Variants in HERC1 observed in about 807,000 individuals in gnomAD.
HERC1 encodes HECT and RLD domain containing E3 ubiquitin protein ligase family member 1.
Under a neutral mutation model 554.3 loss-of-function variants are expected in HERC1, and 160 were observed. The ratio of observed to expected loss-of-function variants is 0.29; its 90% CI spans 0.25 to 0.33. The LOEUF (loss-of-function observed/expected upper bound fraction) is 0.33, where lower values mean the gene tolerates loss of function less well. Among genes scored for constraint, HERC1 ranks in the 10% least tolerant of loss-of-function variants. HERC1 has a pLI of 1.00. For synonymous variants in HERC1, 2,175 were observed against 2,131.7 expected (o/e 1.02, Z -0.56); for missense variants, 4,919 against 5,918.5 (o/e 0.83, Z 5.54).
Position 63,674,953 on chromosome 15 carries a change from T to G in HERC1, c.7235A>C (p.Lys2412Thr). 1.2e-6 allele frequency: 2 copies of G among 1,614,044 alleles called. No individual in the cohort carries two copies. The highest frequency in any genetic ancestry group is 1.7e-6 in the Non-Finnish European group (2 of 1,179,888). Residue 2412 changes from lysine to threonine, a missense_variant, in exon 38 of 78, where the codon AAA becomes ACA. Lys to Thr is a moderately conservative substitution (Grantham distance 78). Coordinates refer to ENST00000443617, the MANE Select transcript of HERC1 (RefSeq NM_003922.4). ...VHEDMGKQST[K>T]RHEKKHRHES... is the part of the protein sequence containing the mutation. Reference sequence around the variant, plus strand: ...ATGTCGGTGTTTCTTTTCATGTCGTTTGGTGCTCTGTTTGCCCATGTCTTC... The same window carrying G: ...ATGTCGGTGTTTCTTTTCATGTCGTGTGGTGCTCTGTTTGCCCATGTCTTC...
intron 12 of HERC1, among the ~76,000 whole-genome samples, chr15:63,746,030 A>G (rs564103001): frequency 2.5e-4 from 38 of 151,644 alleles, no homozygotes; most frequent in African/African-American, 8.2e-4. Flanking sequence ...TATTTTTTTA[A>G]TTTCACTCTA....
intron 22 of HERC1, among the ~76,000 whole-genome samples, chr15:63,714,809 A>T (rs1024006221): frequency 6.6e-6 from 1 of 152,000 alleles, no homozygotes; most frequent in South Asian, 2.1e-4. Flanking sequence ...GGCCTCCCAA[A>T]GTGCTGGGAT....
At chr15:63,755,098 T>C in intron 6 of HERC1, 131 bp downstream of exon 6, 1 of 651,876 alleles carries the variant, frequency 1.5e-6, no homozygotes, top group African/African-American at 1.8e-5. Flanking sequence ...TATAAAATTA[T>C]CTTCCTCTGA....
intron 47 of HERC1, among the ~76,000 whole-genome samples, chr15:63,659,221 C>T (rs878943381): frequency 4.6e-5 from 7 of 151,248 alleles, no homozygotes; most frequent in Admixed American, 2.0e-4. Flanking sequence ...TTTATTGCTT[C>T]GGTATCATGA....
chr15:63,666,432 A>C lies in HERC1; in HGVS notation c.8247T>G (p.Pro2749=), dbSNP rs943232139. 1.2e-6 allele frequency: 2 copies of C among 1,613,478 alleles called. No individual in the cohort carries two copies. The highest frequency in any genetic ancestry group is 1.3e-5 in the African/African-American group (1 of 74,866). Reference sequence around the variant, plus strand: ...GCAAGGGAACTGCAATTGCTGGAGGAGGAGGAGAAGTTGAAAGTCTACTGC... The same window carrying C: ...GCAAGGGAACTGCAATTGCTGGAGGCGGAGGAGAAGTTGAAAGTCTACTGC... ...DPSSRLSTSP[P]PPAIAVPLLE... The change falls in exon 41 of 78, where the codon CCT becomes CCG. Residue 2749 remains proline (P), a synonymous_variant. Transcript: ENST00000443617.
chr15:63,754,691 C>A, intron 6 of HERC1, 43 bp from the exon 7 acceptor site: 2 of 1,581,432 alleles, frequency 1.3e-6, no homozygotes, highest in South Asian at 2.3e-5. Context: ...AACATTAACT[C>A]TTTTTCTCTA....
chr15:63,774,172 TTTTA>T (rs1280814826), intron 2 of HERC1, among the ~76,000 whole-genome samples: 2 of 152,164 alleles, frequency 1.3e-5, no homozygotes, highest in African/African-American at 2.4e-5. Flanking sequence ...CCTTTCCCTC[TTTTA>T]TTTTTCTTCT....
chr15:63,799,997 G>C (rs951923417), intron 1 of HERC1, among the ~76,000 whole-genome samples: 2 of 152,018 alleles, frequency 1.3e-5, no homozygotes, highest in African/African-American at 4.8e-5. Flanking sequence ...AGCCAGATGT[G>C]GTGGTATATG....
Position 63,758,043 on chromosome 15 carries a change from T to G in HERC1, c.1221+132A>C. On this transcript the variant is annotated intron_variant, in intron 4 of 77. Transcript: ENST00000443617. This position sits in a 1 kb window ranked among gnomAD's most constrained non-coding sequence, Gnocchi z 4.0. ...TTTCTATTAAAATGAAAAAAACTAATGCAGTATATAGACCAGAAATAACCA... is the reference window on the plus strand; with the variant it reads ...TTTCTATTAAAATGAAAAAAACTAAGGCAGTATATAGACCAGAAATAACCA... 1.6e-6 allele frequency: 1 copy of G among 639,126 alleles called. No individual in the cohort carries two copies. The highest frequency in any genetic ancestry group is 2.5e-6 in the Non-Finnish European group (1 of 402,288). 39.6% of individuals were successfully genotyped at this position (639,126 alleles called of 1,614,324 possible).
intron 1 of HERC1, among the ~76,000 whole-genome samples, chr15:63,812,336 T>C (rs1180872782): frequency 6.6e-6 from 1 of 152,238 alleles, no homozygotes; most frequent in Non-Finnish European, 1.5e-5. Context: ...TGTTAGAAAA[T>C]ATCTAGGCAA....
At chr15:63,761,008 G>C (rs1029564068) in intron 3 of HERC1, among the ~76,000 whole-genome samples, 3 of 152,142 alleles carry the variant, frequency 2.0e-5, no homozygotes, top group Non-Finnish European at 4.4e-5. Flanking sequence ...TGCCAGAAGA[G>C]AATGGAGTAA....
At position 63,707,146 on chromosome 15, in the gene HERC1, T is replaced by G. The variant is rs1311479237; in HGVS notation, c.4585-315A>C. On this transcript the variant is annotated intron_variant, in intron 24 of 77. Coordinates refer to ENST00000443617, the MANE Select transcript of HERC1 (RefSeq NM_003922.4). Reference sequence around the variant, plus strand: ...TCTTCCAGACACAGTATGATCTTATTAGCACCTTCCGGATGCCTAAAGCCT... The same window carrying G: ...TCTTCCAGACACAGTATGATCTTATGAGCACCTTCCGGATGCCTAAAGCCT... Among the ~76,000 whole-genome samples, 9 of 152,220 alleles carry G rather than the reference T, an allele frequency of 5.9e-5. No homozygotes were observed. The East Asian group carries it at 1.5e-3, about 26-fold the overall frequency.
chr15:63,655,624 T>G lies in HERC1; in HGVS notation c.10084+118A>C. 8.6e-6 allele frequency: 6 copies of G among 698,284 alleles called. 1 individual carries two copies. The Admixed American group carries it at 1.2e-4, about 14-fold the overall frequency. 43.3% of individuals were successfully genotyped at this position (698,284 alleles called of 1,614,324 possible). ...AAAAAGTATCTATGCACTTCTTTTA[T>G]GTTCTAAACTTAAGAAACTCACGTC... On this transcript the variant is annotated intron_variant, in intron 50 of 77. Transcript: ENST00000443617.
chr15:63,788,137 C>T (rs2076516308), intron 1 of HERC1, among the ~76,000 whole-genome samples: 1 of 151,992 alleles, frequency 6.6e-6, no homozygotes, highest in Non-Finnish European at 1.5e-5. Flanking sequence ...AAAAGCAGTA[C>T]AGAATGTGAA....
intron 74 of HERC1, among the ~76,000 whole-genome samples, chr15:63,620,306 G>C (rs1448582397): frequency 1.3e-5 from 2 of 152,032 alleles, no homozygotes; most frequent in African/African-American, 4.8e-5. Context: ...GAGCGGTTTT[G>C]AGTGAGTTTC....
chr15:63,729,851 T>C (rs2074204280), intron 14 of HERC1, among the ~76,000 whole-genome samples: 1 of 151,516 alleles, frequency 6.6e-6, no homozygotes, highest in Non-Finnish European at 1.5e-5. Flanking sequence ...GGTGAAACCC[T>C]GGTCTCTACT....
intron 12 of HERC1, among the ~76,000 whole-genome samples, chr15:63,744,025 G>A (rs2074934910): frequency 6.6e-6 from 1 of 151,896 alleles, no homozygotes; most frequent in African/African-American, 2.4e-5. Flanking sequence ...GTACCACCTT[G>A]ATGGTCTTGG....
chr15:63,619,883 C>G (rs2067996354), intron 74 of HERC1, among the ~76,000 whole-genome samples: 1 of 151,470 alleles, frequency 6.6e-6, no homozygotes, highest in Non-Finnish European at 1.5e-5. Flanking sequence ...ATTCTTCTCT[C>G]TTTTCTTCTT....
Position 63,694,786 on chromosome 15 carries a change from T to C in HERC1, c.5230A>G (p.Lys1744Glu). The C allele has an allele frequency of 2.5e-6, 4 of 1,613,954 alleles. No homozygotes were observed. The highest frequency in any genetic ancestry group is 3.4e-6 in the Non-Finnish European group (4 of 1,179,860). ...ACCGTTTACTTACCAATGTGATGCT[T>C]GTTTGCTTGCAGGGCTCTTTCCAGG... ...ATLERALQANKHHIEAQQRLL... is the reference protein window; with the variant it reads ...ATLERALQANEHHIEAQQRLL... The change falls in exon 28 of 78, where the codon AAG becomes GAG. Residue 1744 changes from lysine (K) to glutamate (E), a missense_variant. Physicochemically the swap from Lys to Glu is moderately conservative, Grantham distance 56 (BLOSUM62 1). This residue lies in a region of HERC1 where 1,121 missense variants were observed against 1,244.0 expected (regional missense o/e 0.90). Coordinates refer to ENST00000443617, the MANE Select transcript of HERC1 (RefSeq NM_003922.4). The surrounding 1 kb of genome is among the most constrained non-coding windows in gnomAD (Gnocchi z 4.3).
Sources: allele counts gnomAD v4.1 joint callset (sites outside exome capture counted in the v4.1 genomes callset), GRCh38; gene constraint gnomAD v4.1.1; regional missense constraint gnomAD v4.1.1; non-coding constraint Gnocchi (gnomAD v3.1); transcripts MANE v1.5; gene names NCBI Gene and HGNC (gene_info 2026-07-23, HGNC 2026-07-21).